The following CDH18 variants were observed in gnomAD, a reference collection of about 807,000 sequenced individuals.
The protein encoded by CDH18 is cadherin-18.
In CDH18, 31 loss-of-function variants were observed where a neutral mutation model predicts 67.9. The ratio of observed to expected loss-of-function variants is 0.46; its 90% CI spans 0.34 to 0.62. The LOEUF is 0.62. Among genes scored for constraint, CDH18 ranks in the 20% least tolerant of loss-of-function variants. The pLI, the probability that CDH18 is intolerant of heterozygous loss-of-function variation, is 0.01. For synonymous variants in CDH18, 362 were observed against 347.2 expected (o/e 1.04, Z -0.48); for missense variants, 890 against 975.5 (o/e 0.91, Z 1.17).
intron 6 of CDH18, among the ~76,000 whole-genome samples, chr5:19,597,287 CA>C (rs1446575275): frequency 6.6e-6 from 1 of 152,182 alleles, no homozygotes; most frequent in African/African-American, 2.4e-5. Context: ...AAGCATGAAC[CA>C]AAGGCACTCA....
At chr5:20,413,036 C>T (rs1239562834) in intron 1 of CDH18, among the ~76,000 whole-genome samples, 1 of 152,196 alleles carries the variant, frequency 6.6e-6, no homozygotes, top group Non-Finnish European at 1.5e-5. Context: ...TGTTCAATTC[C>T]CACCTTTGAG....
intron 7 of CDH18, among the ~76,000 whole-genome samples, chr5:19,573,438 C>T (rs953273287): frequency 2.0e-5 from 3 of 152,060 alleles, no homozygotes; most frequent in African/African-American, 4.8e-5. Context: ...GCCGCCACGC[C>T]CGGCTAATTT....
chr5:20,520,776 C>G (rs969370841), intron 1 of CDH18, among the ~76,000 whole-genome samples: 4 of 152,070 alleles, frequency 2.6e-5, no homozygotes, highest in Non-Finnish European at 2.9e-5. Flanking sequence ...GAGGTGCCTA[C>G]TGGCATCCAA....
At chr5:19,871,188 T>A (rs1786234385) in intron 2 of CDH18, among the ~76,000 whole-genome samples, 1 of 152,168 alleles carries the variant, frequency 6.6e-6, no homozygotes. Context: ...CTAAGCTTTT[T>A]TAAAAAAATT....
intron 5 of CDH18, among the ~76,000 whole-genome samples, chr5:19,631,123 C>T (rs1055360739): frequency 2.6e-5 from 4 of 151,684 alleles, no homozygotes; most frequent in African/African-American, 7.3e-5. Context: ...GGAGTTTAGG[C>T]ATCTTCCTCT....
intron 1 of CDH18, among the ~76,000 whole-genome samples, chr5:20,460,899 T>G (rs1363247259): frequency 6.6e-6 from 1 of 152,334 alleles, no homozygotes; most frequent in South Asian, 2.1e-4. Context: ...CATGAGTAAC[T>G]TAACTGAGTA....
intron 1 of CDH18, among the ~76,000 whole-genome samples, chr5:20,537,972 C>T (rs1162252585): frequency 1.3e-5 from 2 of 152,060 alleles, no homozygotes; most frequent in Admixed American, 6.6e-5. Flanking sequence ...CCCAACAGAG[C>T]GTAGAATTAA....
At chr5:19,943,978 AGG>A (rs1455797309) in intron 2 of CDH18, among the ~76,000 whole-genome samples, 1 of 152,152 alleles carries the variant, frequency 6.6e-6, no homozygotes, top group Admixed American at 6.6e-5. Flanking sequence ...ACCAAATACC[AGG>A]AACATAAATA....
Position 19,755,454 on chromosome 5 carries a change from T to TATAC in CDH18, c.229-8219_229-8218insGTAT, listed in dbSNP as rs1554024399. Among the ~76,000 whole-genome samples, 7 of 19,430 alleles carry TATAC rather than the reference T, an allele frequency of 3.6e-4. 1 individual carries two copies. Among genetic ancestry groups the TATAC allele is most frequent in the African/African-American group, 5.2e-4 (7 of 13,532 alleles). The allele number at this position is 19,430 out of a possible 152,430, so 12.7% of individuals were successfully genotyped here. On this transcript the variant is annotated intron_variant, in intron 3 of 12. Coordinates refer to ENST00000382275, the MANE Select transcript of CDH18 (RefSeq NM_004934.5). ...ATGTATATATATATATATATATATA[T>TATAC]ATATACACACACACACACACATACA...
At chr5:19,873,991 T>C (rs1786646952) in intron 2 of CDH18, among the ~76,000 whole-genome samples, 1 of 152,176 alleles carries the variant, frequency 6.6e-6, no homozygotes, top group South Asian at 2.1e-4. Context: ...TAATTTTCTC[T>C]TCAGTTTCCA....
At chr5:20,274,219 T>G (rs1745641356) in intron 1 of CDH18, among the ~76,000 whole-genome samples, 1 of 152,160 alleles carries the variant, frequency 6.6e-6, no homozygotes, top group African/African-American at 2.4e-5. Flanking sequence ...CCTCCAGAGC[T>G]AGAAAAATCA....
At chr5:20,530,383 C>A (rs928612927) in intron 1 of CDH18, among the ~76,000 whole-genome samples, 17 of 151,926 alleles carry the variant, frequency 1.1e-4, no homozygotes, top group Admixed American at 1.1e-3. Context: ...AAAAAAAAAC[C>A]TATTTTAAAA....
intron 5 of CDH18, among the ~76,000 whole-genome samples, chr5:19,614,485 A>G (rs1749510982): frequency 6.6e-6 from 1 of 152,072 alleles, no homozygotes; most frequent in African/African-American, 2.4e-5. Flanking sequence ...TTACATTAGT[A>G]GGAATTGAAT....
intron 4 of CDH18, among the ~76,000 whole-genome samples, chr5:19,736,873 GT>G (rs1247978251): frequency 6.6e-6 from 1 of 152,150 alleles, no homozygotes; most frequent in Non-Finnish European, 1.5e-5. Context: ...GGATTTCAAA[GT>G]TTTCTCCTTG....
chr5:19,630,856 G>A (rs189634478), intron 5 of CDH18, among the ~76,000 whole-genome samples: 1 of 152,210 alleles, frequency 6.6e-6, no homozygotes, highest in East Asian at 1.9e-4. Flanking sequence ...GGATTATAGA[G>A]CAAGACCTGA....
intron 2 of CDH18, among the ~76,000 whole-genome samples, chr5:19,874,939 G>A (rs1353396235): frequency 2.0e-5 from 3 of 152,130 alleles, no homozygotes; most frequent in Non-Finnish European, 4.4e-5. Context: ...TTAAAGGACA[G>A]CACTAGACCA....
At chr5:20,375,696 T>A (rs1331053150) in intron 1 of CDH18, among the ~76,000 whole-genome samples, 1 of 152,178 alleles carries the variant, frequency 6.6e-6, no homozygotes, top group Non-Finnish European at 1.5e-5. Flanking sequence ...CAGAGCATAA[T>A]TTTCCCTCTG....
At chr5:19,641,864 C>T (rs1754042762) in intron 5 of CDH18, among the ~76,000 whole-genome samples, 1 of 151,546 alleles carries the variant, frequency 6.6e-6, no homozygotes, top group African/African-American at 2.4e-5. Flanking sequence ...TAAAAGGTAC[C>T]CAAATTGGAA....
At chr5:19,617,875 A>G (rs1750080133) in intron 5 of CDH18, among the ~76,000 whole-genome samples, 1 of 152,182 alleles carries the variant, frequency 6.6e-6, no homozygotes. Flanking sequence ...CTGTGATTAT[A>G]AACATTACTT....
Sources: gnomAD v4.1 joint callset for allele counts (sites outside exome capture counted in the v4.1 genomes callset) on GRCh38, gnomAD v4.1.1 for gene constraint, MANE v1.5 for transcripts, NCBI Gene and HGNC (gene_info 2026-07-23, HGNC 2026-07-21) for gene names.